ST6GALNAC3: variants seen among roughly 807,000 people sequenced by gnomAD.
ST6GALNAC3 encodes alpha-N-acetylgalactosaminide alpha-2,6-sialyltransferase 3.
ST6GALNAC3 carries 25 observed loss-of-function variants against 32.7 expected under a neutral mutation model. The ratio of observed to expected loss-of-function variants is 0.76; its 90% CI spans 0.56 to 1.07. The LOEUF is 1.07. Among genes scored for constraint, ST6GALNAC3 ranks in the 50% least tolerant of loss-of-function variants. The pLI, the probability that ST6GALNAC3 is intolerant of heterozygous loss-of-function variation, is 0.00. For missense variants in ST6GALNAC3, 355 were observed against 382.4 expected, an observed-to-expected ratio of 0.93 and a Z score of 0.60; for synonymous variants, 129 against 133.1, an observed-to-expected ratio of 0.97 and a Z score of 0.21.
At chr1:76,290,412 A>G (rs2100814725) in intron 1 of ST6GALNAC3, among the ~76,000 whole-genome samples, 1 of 152,308 alleles carries the variant, frequency 6.6e-6, no homozygotes, top group African/African-American at 2.4e-5. Context: ...CAATGACTGC[A>G]TGCCCATGGA....
At chr1:76,078,548 C>A (rs1183324234) in intron 1 of ST6GALNAC3, among the ~76,000 whole-genome samples, 1 of 152,128 alleles carries the variant, frequency 6.6e-6, no homozygotes, top group Non-Finnish European at 1.5e-5. Context: ...GATTATAGAG[C>A]CATAACAAGT....
chr1:76,106,097 C>T (rs1647512131), intron 1 of ST6GALNAC3, among the ~76,000 whole-genome samples: 1 of 152,168 alleles, frequency 6.6e-6, no homozygotes, highest in Non-Finnish European at 1.5e-5. Context: ...GAATGCTTGT[C>T]TTTTAGAATT....
At chr1:76,341,665 CTTTCT>C (rs1648026459) in intron 2 of ST6GALNAC3, among the ~76,000 whole-genome samples, 4 of 144,516 alleles carry the variant, frequency 2.8e-5, no homozygotes, top group Non-Finnish European at 6.0e-5. Context: ...TTCTTTCTTT[CTTTCT>C]TTCTTTCTTT....
chr1:76,201,828 A>G (rs1261334312), intron 1 of ST6GALNAC3, among the ~76,000 whole-genome samples: 1 of 152,172 alleles, frequency 6.6e-6, no homozygotes, highest in Non-Finnish European at 1.5e-5. Context: ...AAGACATACA[A>G]AAAGACAAGA....
chr1:76,629,958 G>A lies in ST6GALNAC3; in HGVS notation c.*1152G>A, dbSNP rs767453207. 95 of 984,916 alleles carry A rather than the reference G, an allele frequency of 9.6e-5. No individual in the cohort carries two copies. Among genetic ancestry groups the A allele is most frequent in the Non-Finnish European group, 1.1e-4 (92 of 829,748 alleles). The allele number at this position is 984,916 out of a possible 1,614,324, so 61.0% of individuals were successfully genotyped here. A position where few individuals can be genotyped will look rare whatever the true frequency, so the allele number is the denominator to read the frequency against. On this transcript the variant is annotated 3_prime_UTR_variant, in exon 5 of 5. Transcript: ENST00000328299. ...TCTAGGGATTTATTTTTCCCATAGT[G>A]TATCAGTTGTTATGCCACAATAACA... is the stretch of plus-strand genomic sequence containing the variant.
intron 1 of ST6GALNAC3, among the ~76,000 whole-genome samples, chr1:76,130,257 A>G (rs1288290235): frequency 6.6e-6 from 1 of 152,136 alleles, no homozygotes; most frequent in Non-Finnish European, 1.5e-5. Flanking sequence ...AAATGGCTAG[A>G]CCACCACCCA....
intron 1 of ST6GALNAC3, among the ~76,000 whole-genome samples, chr1:76,195,913 A>G (rs1654178855): frequency 6.6e-6 from 1 of 152,164 alleles, no homozygotes; most frequent in African/African-American, 2.4e-5. Context: ...CCATTAACTG[A>G]GGTTGGTAAG....
intron 2 of ST6GALNAC3, among the ~76,000 whole-genome samples, chr1:76,348,396 A>G (rs1395207878): frequency 1.3e-5 from 2 of 152,160 alleles, no homozygotes; most frequent in East Asian, 1.9e-4. Flanking sequence ...TGATGTGGAA[A>G]AGGCAGCTGA....
intron 3 of ST6GALNAC3, among the ~76,000 whole-genome samples, chr1:76,438,386 G>T (rs1386094636): frequency 6.6e-6 from 1 of 151,984 alleles, no homozygotes; most frequent in Non-Finnish European, 1.5e-5. Flanking sequence ...TGATCCACCC[G>T]CCTCGGCCTC....
chr1:76,418,053 C>G (rs1379099355), intron 3 of ST6GALNAC3, among the ~76,000 whole-genome samples: 4 of 152,158 alleles, frequency 2.6e-5, no homozygotes, highest in African/African-American at 9.7e-5. Context: ...TCCATCCATT[C>G]CCACTCAATC....
intron 3 of ST6GALNAC3, among the ~76,000 whole-genome samples, chr1:76,511,761 G>C (rs1457815893): frequency 6.6e-6 from 1 of 152,124 alleles, no homozygotes; most frequent in Non-Finnish European, 1.5e-5. Flanking sequence ...AAATGGAAAG[G>C]GCTCCACATC....
intron 1 of ST6GALNAC3, among the ~76,000 whole-genome samples, chr1:76,218,089 C>A (rs919766676): frequency 6.6e-6 from 1 of 152,090 alleles, no homozygotes; most frequent in African/African-American, 2.4e-5. Flanking sequence ...AAGGAATCTC[C>A]ACACTGTTTT....
At chr1:76,366,295 C>A (rs1001201727) in intron 2 of ST6GALNAC3, among the ~76,000 whole-genome samples, 1 of 152,130 alleles carries the variant, frequency 6.6e-6, no homozygotes, top group Non-Finnish European at 1.5e-5. Context: ...ATCTGACAGA[C>A]TCCTGCAAAA....
chr1:76,630,384 G>A lies in ST6GALNAC3; in HGVS notation c.*1578G>A. 1 of 985,204 alleles carries A rather than the reference G, an allele frequency of 1.0e-6. No individual in the cohort carries two copies. Among genetic ancestry groups the A allele is most frequent in the Non-Finnish European group, 1.2e-6 (1 of 829,826 alleles). 61.0% of individuals were successfully genotyped at this position (985,204 alleles called of 1,614,324 possible). On this transcript the variant is annotated 3_prime_UTR_variant, in exon 5 of 5. Coordinates refer to ENST00000328299, the MANE Select transcript of ST6GALNAC3 (RefSeq NM_152996.4). ...AAAAATGAAAAAGCAGGGACAACAG[G>A]AGGAAATGAAGGCAGAGAAATATAG...
At chr1:76,285,420 G>A (rs1659723241) in intron 1 of ST6GALNAC3, among the ~76,000 whole-genome samples, 1 of 151,822 alleles carries the variant, frequency 6.6e-6, no homozygotes, top group African/African-American at 2.4e-5. Context: ...GTACATGTGT[G>A]TGTAATGTGA....
intron 1 of ST6GALNAC3, among the ~76,000 whole-genome samples, chr1:76,134,728 T>C (rs1363189881): frequency 1.3e-5 from 2 of 152,226 alleles, no homozygotes; most frequent in Admixed American, 6.5e-5. Flanking sequence ...TCTGGGGCAA[T>C]GGCTCTTGCC....
chr1:76,494,433 A>ATATATATATATATTGCATGTG lies in ST6GALNAC3; in HGVS notation c.623+82029_623+82030insTGCATGTGTATATATATATAT. On this transcript the variant is annotated intron_variant, in intron 3 of 4. Transcript: ENST00000328299. Reference sequence around the variant, plus strand: ...ACTAATAGGATGTGTGCATGTGTATATATATATATATATATATATATATAT... The same window carrying ATATATATATATATTGCATGTG: ...ACTAATAGGATGTGTGCATGTGTATATATATATATATATTGCATGTGTATATATATATATATATATATATAT... Among the ~76,000 whole-genome samples, 2 of 25,944 alleles carry ATATATATATATATTGCATGTG rather than the reference A, an allele frequency of 7.7e-5. 1 individual carries two copies. The highest frequency in any genetic ancestry group is 2.3e-4 in the African/African-American group (2 of 8,636). 17.0% of individuals were successfully genotyped at this position (25,944 alleles called of 152,430 possible). A position where few individuals can be genotyped will look rare whatever the true frequency, so the allele number is the denominator to read the frequency against.
chr1:76,461,802 C>T (rs960388272), intron 3 of ST6GALNAC3, among the ~76,000 whole-genome samples: 6 of 152,140 alleles, frequency 3.9e-5, no homozygotes, highest in African/African-American at 1.4e-4. Flanking sequence ...CCTATTGAAA[C>T]CCCACAAGGT....
chr1:76,163,006 G>C (rs1269100414), intron 1 of ST6GALNAC3, among the ~76,000 whole-genome samples: 1 of 152,146 alleles, frequency 6.6e-6, no homozygotes, highest in African/African-American at 2.4e-5. Context: ...GTCCTGCGTG[G>C]GTCTTGTAGG....
Sources: gnomAD v4.1 joint callset for allele counts (sites outside exome capture counted in the v4.1 genomes callset) on GRCh38, gnomAD v4.1.1 for gene constraint, MANE v1.5 for transcripts, NCBI Gene and HGNC (gene_info 2026-07-23, HGNC 2026-07-21) for gene names.